The following CSMD2 variants were observed in gnomAD, a reference collection of about 807,000 sequenced individuals.
The protein encoded by CSMD2 is CUB and Sushi multiple domains 2, also known as CUB and sushi domain-containing protein 2.
Under a neutral mutation model 398.5 loss-of-function variants are expected in CSMD2, and 130 were observed. That is an observed-to-expected ratio of 0.33 (90% confidence interval 0.28 to 0.38). CSMD2 has a LOEUF of 0.38. Ranked by LOEUF, CSMD2 falls within the 10% of genes least tolerant of loss-of-function variation. CSMD2 has a pLI of 1.00. For missense variants in CSMD2, 3,829 were observed against 4,764.9 expected, an observed-to-expected ratio of 0.80 and a Z score of 5.78; for synonymous variants, 1,828 against 1,908.5, an observed-to-expected ratio of 0.96 and a Z score of 1.10.
chr1:33,847,027 G>T, intron 5 of CSMD2, 31 bp from the exon 6 acceptor site: 2 of 1,480,790 alleles, frequency 1.4e-6, no homozygotes, highest in South Asian at 2.3e-5. Context: ...TGGGCTCAGG[G>T]ACCAGAGCTG....
At chr1:33,969,829 T>A (rs1645691073) in intron 3 of CSMD2, among the ~76,000 whole-genome samples, 2 of 151,958 alleles carry the variant, frequency 1.3e-5, no homozygotes, top group African/African-American at 4.8e-5. Flanking sequence ...AGGCAGAAAT[T>A]CAGCCGGGCG....
intron 64 of CSMD2, among the ~76,000 whole-genome samples, chr1:33,530,597 T>C (rs1036604490): frequency 1.3e-5 from 2 of 152,156 alleles, no homozygotes; most frequent in African/African-American, 4.8e-5. Flanking sequence ...ATGGAGTATA[T>C]ATCCAAAGGA....
intron 1 of CSMD2, among the ~76,000 whole-genome samples, chr1:34,110,529 A>G (rs558336125): frequency 2.0e-5 from 3 of 152,262 alleles, no homozygotes; most frequent in African/African-American, 7.2e-5. Context: ...AAAAACCAAG[A>G]TCATGTCTCT....
At chr1:33,843,781 C>T (rs569739426) in intron 6 of CSMD2, among the ~76,000 whole-genome samples, 3 of 152,266 alleles carry the variant, frequency 2.0e-5, no homozygotes, top group Admixed American at 6.5e-5. Context: ...AGAGGTCAAG[C>T]TACTGATCCC....
At chr1:33,755,851 G>C (rs998350685) in intron 13 of CSMD2, among the ~76,000 whole-genome samples, 1 of 150,932 alleles carries the variant, frequency 6.6e-6, no homozygotes, top group African/African-American at 2.5e-5. Flanking sequence ...TGTGTGCGGG[G>C]GGAGGGGGGT....
chr1:34,106,829 A>T (rs1315193459), intron 1 of CSMD2, among the ~76,000 whole-genome samples: 7 of 152,146 alleles, frequency 4.6e-5, no homozygotes, highest in Non-Finnish European at 1.0e-4. Flanking sequence ...ATCCCATGCC[A>T]CTCAGCTTCC....
intron 56 of CSMD2, 90 bp downstream of exon 56, chr1:33,550,087 C>CATCA (rs993556459): frequency 1.3e-5 from 17 of 1,313,430 alleles, no homozygotes; most frequent in Non-Finnish European, 1.7e-5. Flanking sequence ...CCCTCCCATC[C>CATCA]ATCAATCACA....
chr1:33,909,413 C>T (rs1267104248), intron 5 of CSMD2, among the ~76,000 whole-genome samples: 5 of 152,132 alleles, frequency 3.3e-5, no homozygotes, highest in Admixed American at 2.6e-4. Flanking sequence ...TATTCCCCAT[C>T]CTGTTCATTT....
At position 34,164,724 on chromosome 1, in the gene CSMD2, G is replaced by A. The variant is rs1641709321; in HGVS notation, c.187+187C>T. 6.6e-6 allele frequency among the ~76,000 whole-genome samples: 1 copy of A among 151,966 alleles called. No homozygotes were observed. The highest frequency in any genetic ancestry group is 2.4e-5 in the African/African-American group (1 of 41,472). On this transcript the variant is annotated intron_variant, in intron 1 of 70. Coordinates refer to ENST00000373381, the MANE Select transcript of CSMD2 (RefSeq NM_001281956.2). The surrounding 1 kb of genome is among the most constrained non-coding windows in gnomAD (Gnocchi z 6.2). ...CAGTGAGGGTGAGGGTGGAGGTGAG[G>A]ACGTGGCTGAGGGTGGGGTGGGAGA...
intron 45 of CSMD2, among the ~76,000 whole-genome samples, 171 bp from the exon 46 acceptor site, chr1:33,586,788 C>A (rs1209412475): frequency 1.3e-5 from 2 of 152,320 alleles, no homozygotes; most frequent in Non-Finnish European, 2.9e-5. Context: ...CACAACTCAG[C>A]CTTGTGTGAG....
intron 5 of CSMD2, among the ~76,000 whole-genome samples, chr1:33,902,180 C>A (rs1642800356): frequency 1.3e-5 from 2 of 152,070 alleles, no homozygotes; most frequent in Non-Finnish European, 2.9e-5. Flanking sequence ...AGGATAAGTC[C>A]TAGAGGGCAT....
intron 6 of CSMD2, among the ~76,000 whole-genome samples, chr1:33,826,568 A>G (rs1474463979): frequency 5.3e-5 from 8 of 152,192 alleles, no homozygotes; most frequent in Admixed American, 2.0e-4. Flanking sequence ...GGTCACTGGG[A>G]GATGGGGCCT....
intron 3 of CSMD2, among the ~76,000 whole-genome samples, chr1:34,020,454 G>T (rs913900719): frequency 2.0e-5 from 3 of 152,178 alleles, no homozygotes; most frequent in Admixed American, 6.5e-5. Flanking sequence ...GTCTCAGGCA[G>T]CAACAACGCC....
At chr1:33,955,056 C>A (rs763223999) in intron 3 of CSMD2, among the ~76,000 whole-genome samples, 17 of 152,120 alleles carry the variant, frequency 1.1e-4, no homozygotes, top group Middle Eastern at 3.4e-3. Flanking sequence ...ACCCGTGGAC[C>A]CTGTCTCGCC....
At chr1:33,601,429 A>T (rs1314448573) in intron 43 of CSMD2, among the ~76,000 whole-genome samples, 1 of 152,134 alleles carries the variant, frequency 6.6e-6, no homozygotes, top group Non-Finnish European at 1.5e-5. Flanking sequence ...GTATACCCAC[A>T]ATGCCTTTTG....
chr1:33,866,636 C>A (rs545635268), intron 5 of CSMD2, among the ~76,000 whole-genome samples: 2 of 152,182 alleles, frequency 1.3e-5, no homozygotes, highest in South Asian at 4.1e-4. Flanking sequence ...TAATCCATAC[C>A]AATCCTTTCC....
chr1:33,652,303 C>T lies in CSMD2; in HGVS notation c.4586+20G>A, dbSNP rs771447696. The T allele has an allele frequency of 1.2e-6, 2 of 1,612,612 alleles. No homozygotes were observed. Among genetic ancestry groups the T allele is most frequent in the African/African-American group, 2.7e-5 (2 of 74,892 alleles). On this transcript the variant is annotated intron_variant, in intron 28 of 70. Coordinates refer to ENST00000373381, the MANE Select transcript of CSMD2 (RefSeq NM_001281956.2). ...GCCACTCTGAACCCTTCGTCTCCCACCCGGGGGAAAGGTACATACATGTTA... is the reference window on the plus strand; with the variant it reads ...GCCACTCTGAACCCTTCGTCTCCCATCCGGGGGAAAGGTACATACATGTTA...
intron 3 of CSMD2, among the ~76,000 whole-genome samples, chr1:33,963,022 G>A (rs1173107729): frequency 2.0e-5 from 3 of 152,216 alleles, no homozygotes; most frequent in Non-Finnish European, 4.4e-5. Context: ...AATGAATAAG[G>A]GAAAGGAAGA....
intron 40 of CSMD2, among the ~76,000 whole-genome samples, chr1:33,614,140 C>T (rs907933655): frequency 5.4e-5 from 8 of 147,904 alleles, no homozygotes; most frequent in African/African-American, 2.0e-4. Flanking sequence ...TTCCGCCCCA[C>T]CCCCGCCTTT....
Sources: gnomAD v4.1 joint callset for allele counts (sites outside exome capture counted in the v4.1 genomes callset) on GRCh38, gnomAD v4.1.1 for gene constraint, Gnocchi (gnomAD v3.1) non-coding constraint, MANE v1.5 for transcripts, NCBI Gene and HGNC (gene_info 2026-07-23, HGNC 2026-07-21) for gene names.